The following P2RY8 variants were observed in gnomAD, a reference collection of about 807,000 sequenced individuals.
The protein encoded by P2RY8 is S-geranylgeranyl-glutathione receptor P2RY8.
P2RY8 carries 6 observed loss-of-function variants against 10.0 expected under a neutral mutation model. That is an observed-to-expected ratio of 0.60 (90% CI 0.33 to 1.19). The LOEUF is 1.19. Among genes scored for constraint, P2RY8 ranks in the 50% most tolerant of loss-of-function variants. P2RY8 has a pLI of 0.04. For missense variants in P2RY8, 456 were observed against 542.0 expected, an observed-to-expected ratio of 0.84 and a Z score of 1.58; for synonymous variants, 276 against 252.5, an observed-to-expected ratio of 1.09 and a Z score of -0.88.
intron 1 of P2RY8, among the ~76,000 whole-genome samples, chrX:1,478,371 T>G (rs2091899674): frequency 6.6e-6 from 1 of 151,978 alleles, no homozygotes; most frequent in African/African-American, 2.4e-5. Flanking sequence ...GATAAGAGAT[T>G]GCAGAGAGGT....
chrX:1,508,821 G>GCATC (rs1444192179), intron 1 of P2RY8, among the ~76,000 whole-genome samples: 2 of 140,136 alleles, frequency 1.4e-5, no homozygotes, highest in Non-Finnish European at 3.1e-5. Context: ...TATCATCTAT[G>GCATC]CATCCATCCA....
At chrX:1,505,846 G>T (rs377014778) in intron 1 of P2RY8, among the ~76,000 whole-genome samples, 23 of 152,194 alleles carry the variant, frequency 1.5e-4, no homozygotes, top group African/African-American at 5.1e-4. Context: ...CCAGGAGGAG[G>T]ACTTGCAAGT....
At chrX:1,511,575 A>G (rs2092298156) in intron 1 of P2RY8, among the ~76,000 whole-genome samples, 1 of 152,164 alleles carries the variant, frequency 6.6e-6, no homozygotes, top group South Asian at 2.1e-4. Flanking sequence ...GCTGGAATGC[A>G]GTGGTGTGAT....
chrX:1,475,331 T>TG (rs2091863347), intron 1 of P2RY8, among the ~76,000 whole-genome samples: 1 of 151,782 alleles, frequency 6.6e-6, no homozygotes, highest in Admixed American at 6.6e-5. Flanking sequence ...GATGCATGGA[T>TG]GGATGCTTCT....
intron 1 of P2RY8, among the ~76,000 whole-genome samples, chrX:1,499,594 G>A (rs1367732502): frequency 2.0e-5 from 3 of 151,746 alleles, no homozygotes; most frequent in African/African-American, 4.8e-5. Flanking sequence ...TATTTACTGC[G>A]TATATTAAAA....
chrX:1,483,602 C>G (rs1409690742), intron 1 of P2RY8, among the ~76,000 whole-genome samples: 1 of 152,018 alleles, frequency 6.6e-6, no homozygotes, highest in Non-Finnish European at 1.5e-5. Context: ...CCACTGCACT[C>G]CAGCCTGGGC....
intron 1 of P2RY8, among the ~76,000 whole-genome samples, chrX:1,530,675 CATCT>C (rs1365374434): frequency 6.6e-6 from 1 of 150,740 alleles, no homozygotes; most frequent in East Asian, 2.0e-4. Context: ...TCTAATCTAT[CATCT>C]ATTTAATCTA....
intron 1 of P2RY8, among the ~76,000 whole-genome samples, chrX:1,533,417 A>T (rs1472522708): frequency 2.8e-5 from 4 of 144,864 alleles, no homozygotes; most frequent in Non-Finnish European, 6.0e-5. Context: ...TTATTTATAT[A>T]TTATATATTT....
At chrX:1,474,670 G>A (rs1427633769) in intron 1 of P2RY8, among the ~76,000 whole-genome samples, 1 of 148,028 alleles carries the variant, frequency 6.8e-6, no homozygotes, top group Non-Finnish European at 1.5e-5. Flanking sequence ...GTGGATGGAT[G>A]GGTGGACAGA....
At chrX:1,526,156 T>C (rs1219730714) in intron 1 of P2RY8, among the ~76,000 whole-genome samples, 2 of 149,772 alleles carry the variant, frequency 1.3e-5, no homozygotes, top group Non-Finnish European at 1.5e-5. Flanking sequence ...CGTTCACTCA[T>C]TCATTCATTC....
intron 1 of P2RY8, among the ~76,000 whole-genome samples, chrX:1,520,108 T>G (rs1168800000): frequency 3.3e-5 from 5 of 151,718 alleles, no homozygotes; most frequent in Non-Finnish European, 7.4e-5. Flanking sequence ...TCCCTAATAA[T>G]CTCTGGTCCC....
intron 1 of P2RY8, among the ~76,000 whole-genome samples, chrX:1,512,004 TC>T (rs2092300765): frequency 6.6e-6 from 1 of 152,148 alleles, no homozygotes; most frequent in Non-Finnish European, 1.5e-5. Flanking sequence ...TGCCTTTTTT[TC>T]CTAGCTCCTT....
chrX:1,515,458 G>T (rs1259056237), intron 1 of P2RY8, among the ~76,000 whole-genome samples: 1 of 149,366 alleles, frequency 6.7e-6, no homozygotes, highest in African/African-American at 2.5e-5. Context: ...CGCAACCTCC[G>T]CCTCCCAGGT....
chrX:1,509,111 C>G (rs56651375), intron 1 of P2RY8, among the ~76,000 whole-genome samples: 26,478 of 130,022 alleles, frequency 0.2, 90 homozygotes, highest in Middle Eastern at 0.29. Flanking sequence ...ATCTATCTAT[C>G]TATCTATCTA....
chrX:1,500,689 C>T (rs2092169887), intron 1 of P2RY8, among the ~76,000 whole-genome samples: 1 of 152,216 alleles, frequency 6.6e-6, no homozygotes, highest in Non-Finnish European at 1.5e-5. Flanking sequence ...CCCAGGTGAT[C>T]CTCCAACCTA....
intron 1 of P2RY8, among the ~76,000 whole-genome samples, chrX:1,504,724 C>T (rs1220725523): frequency 4.6e-5 from 7 of 152,090 alleles, no homozygotes; most frequent in South Asian, 2.1e-4. Flanking sequence ...TTGTGGCTCA[C>T]GCCTGTAATC....
chrX:1,479,407 G>A (rs1481173741), intron 1 of P2RY8, among the ~76,000 whole-genome samples: 1 of 152,222 alleles, frequency 6.6e-6, no homozygotes, highest in African/African-American at 2.4e-5. Flanking sequence ...GCATACCTGT[G>A]AGAACATTTT....
intron 1 of P2RY8, 93 bp downstream of exon 1, chrX:1,536,828 C>T (rs1398427675): frequency 1.0e-5 from 2 of 200,512 alleles, no homozygotes; most frequent in Non-Finnish European, 2.1e-5. Context: ...ACCGTCTTCC[C>T]CCATGTTCTC....
At chrX:1,519,338 G>A (rs1333636754) in intron 1 of P2RY8, among the ~76,000 whole-genome samples, 6 of 144,212 alleles carry the variant, frequency 4.2e-5, no homozygotes, top group African/African-American at 1.6e-4. Flanking sequence ...AATCTCTCTG[G>A]TCTCCAATCA....
Sources: allele counts gnomAD v4.1 joint callset (sites outside exome capture counted in the v4.1 genomes callset), GRCh38; gene constraint gnomAD v4.1.1; transcripts MANE v1.5; gene names NCBI Gene and HGNC (gene_info 2026-07-23, HGNC 2026-07-21).